RPS6KC1: variants seen among roughly 807,000 people sequenced by gnomAD.
The protein encoded by RPS6KC1 is inactive ribosomal protein S6 kinase delta-1.
A neutral mutation model predicts 103.8 loss-of-function variants in RPS6KC1; 54 were observed. The ratio of observed to expected loss-of-function variants is 0.52; its 90% CI spans 0.42 to 0.65. The LOEUF (loss-of-function observed/expected upper bound fraction) is 0.65. RPS6KC1 is among the 30% of genes least tolerant of loss of function. The pLI is 0.00. For synonymous variants in RPS6KC1, 439 were observed against 438.7 expected (o/e 1.00, Z -0.01); for missense variants, 1,151 against 1,253.8 (o/e 0.92, Z 1.24).
the RPS6KC1 span, among the ~76,000 whole-genome samples, chr1:213,783,837 A>AAAAAAAAAAAAAAAAAAC: frequency 7.2e-6 from 1 of 139,372 alleles, no homozygotes; most frequent in African/African-American, 3.1e-5. Flanking sequence ...AAAAAAAAAA[A>AAAAAAAAAAAAAAAAAAC]AAAAATCCAA....
chr1:213,137,291 C>G (rs1009394453), intron 6 of RPS6KC1, among the ~76,000 whole-genome samples: 4 of 151,224 alleles, frequency 2.6e-5, no homozygotes, highest in South Asian at 4.2e-4. Flanking sequence ...TCTTCACTTT[C>G]GAGCCTATAA....
At chr1:213,610,194 G>A in the RPS6KC1 span, among the ~76,000 whole-genome samples, 11 of 152,112 alleles carry the variant, frequency 7.2e-5, no homozygotes, top group East Asian at 1.2e-3. Context: ...GGTTCTGTAC[G>A]TTCCTGAGCC....
chr1:213,400,877 T>C, the RPS6KC1 span, among the ~76,000 whole-genome samples: 1 of 152,034 alleles, frequency 6.6e-6, no homozygotes, highest in Admixed American at 6.5e-5. Context: ...TGGCTAACTT[T>C]TGTATTTTTA....
chr1:213,783,296 G>C, the RPS6KC1 span, among the ~76,000 whole-genome samples: 1 of 152,170 alleles, frequency 6.6e-6, no homozygotes, highest in African/African-American at 2.4e-5. Context: ...TAAATGCTTG[G>C]CTCTTTTCAC....
the RPS6KC1 span, among the ~76,000 whole-genome samples, chr1:213,353,009 G>A: frequency 7.9e-5 from 12 of 152,360 alleles, no homozygotes; most frequent in African/African-American, 2.4e-4. Context: ...TGTGAGAGGG[G>A]AGGGCTCTCC....
the RPS6KC1 span, among the ~76,000 whole-genome samples, chr1:213,363,757 CTCTTCTTTCTTTCTTTCTTT>C: frequency 5.0e-5 from 3 of 60,472 alleles, no homozygotes; most frequent in African/African-American, 2.1e-4. Flanking sequence ...TTCTCTTTCT[CTCTTCTTTCTTTCTTTCTTT>C]CTTTCTTTCT....
chr1:213,223,634 G>T (rs538350552), intron 8 of RPS6KC1, among the ~76,000 whole-genome samples: 1 of 152,106 alleles, frequency 6.6e-6, no homozygotes, highest in African/African-American at 2.4e-5. Flanking sequence ...GGTTGGTTCG[G>T]TATCATTGCA....
chr1:213,779,193 A>G, the RPS6KC1 span, among the ~76,000 whole-genome samples: 3 of 152,358 alleles, frequency 2.0e-5, no homozygotes, highest in East Asian at 1.9e-4. Flanking sequence ...TAAGGAGGCC[A>G]GAGATGAGGT....
the RPS6KC1 span, among the ~76,000 whole-genome samples, chr1:213,823,196 TC>T: frequency 1.3e-5 from 2 of 152,296 alleles, no homozygotes; most frequent in Non-Finnish European, 2.9e-5. Context: ...TCATAGACCA[TC>T]CCATTATCAG....
At chr1:213,384,253 G>A in the RPS6KC1 span, among the ~76,000 whole-genome samples, 1 of 151,576 alleles carries the variant, frequency 6.6e-6, no homozygotes, top group Admixed American at 6.6e-5. Context: ...TCCAGCCTGA[G>A]TGACAGAGCG....
At chr1:213,255,512 A>G (rs549376907) in intron 12 of RPS6KC1, among the ~76,000 whole-genome samples, 2 of 152,224 alleles carry the variant, frequency 1.3e-5, no homozygotes, top group African/African-American at 4.8e-5. Flanking sequence ...CCTGATGTTT[A>G]TAGTAACTAT....
chr1:213,457,752 T>A, the RPS6KC1 span, among the ~76,000 whole-genome samples: 1 of 152,172 alleles, frequency 6.6e-6, no homozygotes, highest in Non-Finnish European at 1.5e-5. Flanking sequence ...AACAATTGGA[T>A]CAATAACTTA....
At chr1:213,269,748 C>A (rs138903881) in intron 14 of RPS6KC1, among the ~76,000 whole-genome samples, 5 of 151,698 alleles carry the variant, frequency 3.3e-5, no homozygotes, top group African/African-American at 9.7e-5. Context: ...TAGCTTGCAC[C>A]GTAAGAAACT....
chr1:213,096,209 T>C (rs2081437296), intron 3 of RPS6KC1, among the ~76,000 whole-genome samples: 1 of 152,214 alleles, frequency 6.6e-6, no homozygotes, highest in East Asian at 1.9e-4. Context: ...TCTCTGCTCG[T>C]CCATAAGAAG....
At chr1:213,629,400 T>G in the RPS6KC1 span, among the ~76,000 whole-genome samples, 1 of 152,090 alleles carries the variant, frequency 6.6e-6, no homozygotes, top group Admixed American at 6.6e-5. Context: ...AGACTAGGAT[T>G]GCAACCCCTG....
At chr1:213,785,921 T>C in the RPS6KC1 span, among the ~76,000 whole-genome samples, 1 of 152,178 alleles carries the variant, frequency 6.6e-6, no homozygotes, top group African/African-American at 2.4e-5. Flanking sequence ...ATTGCTATTA[T>C]GGAGGGAATA....
At chr1:213,740,747 CA>C in the RPS6KC1 span, among the ~76,000 whole-genome samples, 1 of 124,290 alleles carries the variant, frequency 8.0e-6, no homozygotes, top group Non-Finnish European at 1.7e-5. Flanking sequence ...GATATATGTA[CA>C]CATATATACA....
At chr1:213,463,130 T>A in the RPS6KC1 span, among the ~76,000 whole-genome samples, 2 of 152,244 alleles carry the variant, frequency 1.3e-5, no homozygotes, top group Non-Finnish European at 2.9e-5. Flanking sequence ...ATTCTTGTTA[T>A]ACATTCAAAC....
At chr1:213,738,334 A>G in the RPS6KC1 span, among the ~76,000 whole-genome samples, 705 of 152,316 alleles carry the variant, frequency 4.6e-3, 6 homozygotes, top group African/African-American at 0.015. Context: ...TAACATGTAT[A>G]AACCCATATC....
Sources: allele counts gnomAD v4.1 joint callset (sites outside exome capture counted in the v4.1 genomes callset), GRCh38; gene constraint gnomAD v4.1.1; transcripts MANE v1.5; gene names NCBI Gene and HGNC (gene_info 2026-07-23, HGNC 2026-07-21).